ASTN2: variants seen among roughly 807,000 people sequenced by gnomAD.
ASTN2 encodes astrotactin 2.
Under a neutral mutation model 139.8 loss-of-function variants are expected in ASTN2, and 54 were observed. That is an observed-to-expected ratio of 0.39 (90% confidence interval 0.31 to 0.48). The LOEUF is 0.48. Ranked by LOEUF, ASTN2 falls within the 20% of genes least tolerant of loss-of-function variation. The probability of loss-of-function intolerance (pLI) is 0.95; values close to 1 mark genes in which losing one functional copy is unlikely to be tolerated. For synonymous variants in ASTN2, 756 were observed against 719.5 expected (o/e 1.05, Z -0.81); for missense variants, 1,565 against 1,725.1 (o/e 0.91, Z 1.64).
intron 22 of ASTN2, among the ~76,000 whole-genome samples, chr9:116,429,443 T>A (rs546568926): frequency 6.6e-6 from 1 of 151,848 alleles, no homozygotes; most frequent in Admixed American, 6.6e-5. Context: ...TTCTCTACAC[T>A]GGTAAAAAGC....
At chr9:117,278,902 C>T (rs1212546037) in intron 2 of ASTN2, among the ~76,000 whole-genome samples, 6 of 152,138 alleles carry the variant, frequency 3.9e-5, no homozygotes, top group Admixed American at 2.0e-4. Context: ...GACACAGGCA[C>T]ACTGCCCTGA....
At chr9:116,458,282 G>A (rs999730210) in intron 20 of ASTN2, among the ~76,000 whole-genome samples, 8 of 151,790 alleles carry the variant, frequency 5.3e-5, no homozygotes, top group Admixed American at 4.6e-4. Flanking sequence ...TAGATAAAAT[G>A]AATAACATCT....
At chr9:116,793,944 G>A (rs1830620596) in intron 13 of ASTN2, among the ~76,000 whole-genome samples, 1 of 152,074 alleles carries the variant, frequency 6.6e-6, no homozygotes, top group Non-Finnish European at 1.5e-5. Flanking sequence ...GCTCTTAGAG[G>A]ATCATATGGT....
chr9:117,094,380 G>A (rs933805582), intron 5 of ASTN2, among the ~76,000 whole-genome samples: 3 of 152,172 alleles, frequency 2.0e-5, no homozygotes, highest in East Asian at 3.9e-4. Flanking sequence ...TAGGGGACAT[G>A]CTCAGTGATG....
Position 116,500,533 on chromosome 9 carries a change from T to G in ASTN2, c.3356-13033A>C, listed in dbSNP as rs114612509. Among the ~76,000 whole-genome samples the G allele has an allele frequency of 3.3e-3, 510 of 152,336 alleles. 3 individuals carry two copies. The highest frequency in any genetic ancestry group is 0.012 in the African/African-American group (492 of 41,584). ...GCTAACAAGGAACCCACCCTTACTG[T>G]GTCCCTCCAAACATGTTAGGCAATT... On this transcript the variant is annotated intron_variant, in intron 19 of 22. Coordinates refer to ENST00000313400, the MANE Select transcript of ASTN2 (RefSeq NM_001365068.1).
Position 116,863,745 on chromosome 9 carries a change from AG to A in ASTN2, c.1890-13del. 1 of 1,607,164 alleles carries A rather than the reference AG, an allele frequency of 6.2e-7. No homozygotes were observed. The highest frequency in any genetic ancestry group is 1.7e-4 in the Middle Eastern group (1 of 6,026). ...GCATCGCTTCTTCCCTTGGAGAGAA[AG>A]GGGATGGTTAAACCCCAGAGACATT... On this transcript the variant is annotated splice_polypyrimidine_tract_variant and intron_variant, in intron 10 of 22. Transcript: ENST00000313400.
chr9:116,810,706 T>C lies in ASTN2; in HGVS notation c.2208-4886A>G, dbSNP rs139155961. On this transcript the variant is annotated intron_variant, in intron 12 of 22. Transcript: ENST00000313400. ...TTGCTCAGTTTGGGTATTAGGATTA[T>C]GGAATAAGTTAAAAAACTATCCTTT... is the stretch of plus-strand genomic sequence containing the variant. Among the ~76,000 whole-genome samples, 202 of 152,324 alleles carry C rather than the reference T, an allele frequency of 1.3e-3. 2 individuals carry two copies. Among genetic ancestry groups the C allele is most frequent in the East Asian group, 5.6e-3 (29 of 5,184 alleles).
chr9:116,893,549 G>A (rs1833814287), intron 10 of ASTN2, among the ~76,000 whole-genome samples: 1 of 152,150 alleles, frequency 6.6e-6, no homozygotes, highest in South Asian at 2.1e-4. Context: ...TGTAAACCGA[G>A]ATGCTAGTAG....
At chr9:116,568,452 C>T (rs1221921046) in intron 19 of ASTN2, 1 of 152,088 alleles carries the variant, frequency 6.6e-6, no homozygotes, top group Non-Finnish European at 1.5e-5. Flanking sequence ...ACAAAGGCAG[C>T]CATTAACCTG....
chr9:116,523,320 T>A lies in ASTN2; in HGVS notation c.3356-35820A>T, dbSNP rs537988062. Among the ~76,000 whole-genome samples, 18 of 152,130 alleles carry A rather than the reference T, an allele frequency of 1.2e-4. No homozygotes were observed. In the East Asian group the frequency reaches 3.5e-3, roughly 29 times the overall value. On this transcript the variant is annotated intron_variant, in intron 19 of 22. Transcript: ENST00000313400. ...AACTCGAACTTGCTCTGGAGATGAT[T>A]TAAACATTTTGAGATGGACATTTTG...
chr9:117,378,757 G>T (rs1830189536), intron 1 of ASTN2, among the ~76,000 whole-genome samples: 1 of 152,096 alleles, frequency 6.6e-6, no homozygotes, highest in African/African-American at 2.4e-5. Flanking sequence ...ACTCATCAAG[G>T]GGAAAAGTAA....
intron 1 of ASTN2, among the ~76,000 whole-genome samples, chr9:117,351,676 G>A (rs1479452753): frequency 6.6e-6 from 1 of 152,172 alleles, no homozygotes; most frequent in Non-Finnish European, 1.5e-5. Flanking sequence ...GAGTTATGAG[G>A]TGGAATCTTT....
At chr9:116,861,970 CTTCT>C (rs1832893731) in intron 11 of ASTN2, among the ~76,000 whole-genome samples, 1 of 52,950 alleles carries the variant, frequency 1.9e-5, no homozygotes, top group Non-Finnish European at 3.4e-5. Flanking sequence ...GCATTTCCTT[CTTCT>C]TTTTTTTTTT....
chr9:116,790,886 A>G (rs1180434278), intron 13 of ASTN2, among the ~76,000 whole-genome samples: 2 of 150,616 alleles, frequency 1.3e-5, no homozygotes, highest in Non-Finnish European at 2.9e-5. Flanking sequence ...TATTGAAAAG[A>G]AAGGAAAAAG....
At chr9:117,006,401 A>T (rs1229071997) in intron 7 of ASTN2, among the ~76,000 whole-genome samples, 2 of 152,136 alleles carry the variant, frequency 1.3e-5, no homozygotes, top group Non-Finnish European at 2.9e-5. Flanking sequence ...AAAATTTGGG[A>T]TAATCTTTGA....
intron 13 of ASTN2, among the ~76,000 whole-genome samples, chr9:116,795,742 G>C (rs573832464): frequency 6.6e-6 from 1 of 152,260 alleles, no homozygotes; most frequent in South Asian, 2.1e-4. Context: ...CCTGGAACTG[G>C]GGGGAAAGGA....
chr9:117,294,011 T>C (rs1834663934), intron 1 of ASTN2, among the ~76,000 whole-genome samples: 1 of 152,192 alleles, frequency 6.6e-6, no homozygotes, highest in South Asian at 2.1e-4. Flanking sequence ...GGGATGCTTG[T>C]GGAAATCTGA....
intron 6 of ASTN2, among the ~76,000 whole-genome samples, chr9:117,014,611 A>G (rs560536759): frequency 8.4e-4 from 127 of 152,082 alleles, no homozygotes; most frequent in African/African-American, 2.8e-3. Context: ...TATGGGTTGG[A>G]CTGTGTTCTG....
At chr9:117,378,947 G>A (rs1341710909) in intron 1 of ASTN2, among the ~76,000 whole-genome samples, 5 of 152,054 alleles carry the variant, frequency 3.3e-5, no homozygotes, top group African/African-American at 1.2e-4. Context: ...ACAAGATCTG[G>A]TTGTTTAAAA....
Sources: allele counts gnomAD v4.1 joint callset (sites outside exome capture counted in the v4.1 genomes callset), GRCh38; gene constraint gnomAD v4.1.1; transcripts MANE v1.5; gene names NCBI Gene and HGNC (gene_info 2026-07-23, HGNC 2026-07-21).